SLC20A1: variants seen among roughly 807,000 people sequenced by gnomAD.
SLC20A1 encodes the protein sodium-dependent phosphate transporter 1.
SLC20A1 carries 28 observed loss-of-function variants against 62.7 expected under a neutral mutation model. The observed-to-expected ratio is 0.45, with a 90% CI of 0.33 to 0.61. The LOEUF (loss-of-function observed/expected upper bound fraction) is 0.61, where lower values mean the gene tolerates loss of function less well. Ranked by LOEUF, SLC20A1 falls within the 20% of genes least tolerant of loss-of-function variation. The probability of loss-of-function intolerance (pLI) is 0.02; values close to 1 mark genes in which losing one functional copy is unlikely to be tolerated. For synonymous variants in SLC20A1, 305 were observed against 302.9 expected, an observed-to-expected ratio of 1.01 and a Z score of -0.07; for missense variants, 673 against 838.6, an observed-to-expected ratio of 0.80 and a Z score of 2.44.
chr2:112,657,892 A>G (rs549311864), intron 6 of SLC20A1, among the ~76,000 whole-genome samples: 2 of 152,316 alleles, frequency 1.3e-5, no homozygotes, highest in African/African-American at 4.8e-5. Context: ...TACTGAGTAA[A>G]TTTTGGTTAG....
At chr2:112,649,339 C>A (rs542053825) in intron 4 of SLC20A1, among the ~76,000 whole-genome samples, 1 of 152,316 alleles carries the variant, frequency 6.6e-6, no homozygotes, top group Non-Finnish European at 1.5e-5. Flanking sequence ...GATCTTCCCC[C>A]ACTCTGTGCA....
chr2:112,647,805 A>G (rs1031966282), intron 4 of SLC20A1, 67 bp downstream of exon 4: 43 of 1,276,734 alleles, frequency 3.4e-5, no homozygotes, highest in Non-Finnish European at 4.5e-5. Flanking sequence ...ACCCAGTGGT[A>G]CTTTTGCAGA....
In SLC20A1 at chr2:112,663,109, C is replaced by A; in HGVS notation, c.*84C>A. On this transcript the variant is annotated 3_prime_UTR_variant, in exon 11 of 11. Transcript: ENST00000272542. ...CCCTGAAGAATGATTACAGTGTTAA[C>A]AGAAGACTGACAAGAGTCTTTTTAT... 1 of 1,468,296 alleles carries A rather than the reference C, an allele frequency of 6.8e-7. No homozygotes were observed. Among genetic ancestry groups the A allele is most frequent in the Non-Finnish European group, 9.5e-7 (1 of 1,048,256 alleles). The allele number at this position is 1,468,296 out of a possible 1,614,324, so 91.0% of individuals were successfully genotyped here. A position where few individuals can be genotyped will look rare whatever the true frequency, so the allele number is the denominator to read the frequency against.
At position 112,647,056 on chromosome 2, in the gene SLC20A1, AC is replaced by A; in HGVS notation, c.229del (p.Leu77TrpfsTer5). The A allele has an allele frequency of 6.2e-7, 1 of 1,614,174 alleles. No individual in the cohort carries two copies. Among genetic ancestry groups the A allele is most frequent in the Non-Finnish European group, 8.5e-7 (1 of 1,180,038 alleles). On this transcript the variant is annotated frameshift_variant, in exon 2 of 11. Transcript: ENST00000272542. LOFTEE classifies it high-confidence loss of function. ...SIFETVGSVL[L>X]GAKVSETIRK... ...TCTTTGAAACAGTGGGCTCTGTCTT[AC>A]TGGGGGCCAAAGTGAGCGAAACCAT...
rs1686305911 is a variant in SLC20A1 at position 112,647,134 on chromosome 2, G to C, written c.306G>C (p.Leu102=). ...VEMYNSTQGL[L]MAGSVSAMFG... is the part of the protein sequence containing the mutation. ...TGTACAACTCGACTCAAGGGCTGCT[G>C]ATGGCCGGCTCAGTCAGTGCTATGT... The change falls in exon 2 of 11, where the codon CTG becomes CTC. Residue 102 remains leucine, a synonymous_variant. Transcript: ENST00000272542. The C allele has an allele frequency of 6.2e-7, 1 of 1,613,756 alleles. No individual in the cohort carries two copies. The highest frequency in any genetic ancestry group is 8.5e-7 in the Non-Finnish European group (1 of 1,179,772).
At chr2:112,655,310 A>G (rs1012328834) in intron 5 of SLC20A1, among the ~76,000 whole-genome samples, 1 of 151,990 alleles carries the variant, frequency 6.6e-6, no homozygotes, top group Non-Finnish European at 1.5e-5. Context: ...GGGGTATGAT[A>G]GAATTTCCAG....
At chr2:112,654,523 A>G (rs913529596) in intron 5 of SLC20A1, among the ~76,000 whole-genome samples, 2 of 152,236 alleles carry the variant, frequency 1.3e-5, no homozygotes, top group South Asian at 4.1e-4. Flanking sequence ...CAGTAATTTC[A>G]TGTATATTTT....
chr2:112,652,887 A>G (rs1301549411), intron 5 of SLC20A1, 89 bp downstream of exon 5: 1 of 1,610,630 alleles, frequency 6.2e-7, no homozygotes, highest in Non-Finnish European at 8.5e-7. Flanking sequence ...TTTGCTTTAC[A>G]GGGCTGAAAT....
At chr2:112,648,630 C>G (rs1460116494) in intron 4 of SLC20A1, among the ~76,000 whole-genome samples, 2 of 152,238 alleles carry the variant, frequency 1.3e-5, no homozygotes, top group African/African-American at 4.8e-5. Context: ...TGTCTCTTCT[C>G]TGTAGAAATT....
At chr2:112,652,526 A>G (rs1191987469) in intron 4 of SLC20A1, 176 bp from the exon 5 acceptor site, 4 of 594,684 alleles carry the variant, frequency 6.7e-6, no homozygotes, top group African/African-American at 1.9e-5. Flanking sequence ...AGTTGGAATT[A>G]GCCTTCGTAG....
Position 112,661,124 on chromosome 2 carries a change from A to T in SLC20A1, c.1794-18A>T, listed in dbSNP as rs1574191402. On this transcript the variant is annotated intron_variant, in intron 9 of 10. Coordinates refer to ENST00000272542, the MANE Select transcript of SLC20A1 (RefSeq NM_005415.5). ...AAGTCAAACTCACTTCCTGACAAGAATCCTTTTGTGTCTGTAGTGGCTTCA... is the reference window on the plus strand; with the variant it reads ...AAGTCAAACTCACTTCCTGACAAGATTCCTTTTGTGTCTGTAGTGGCTTCA... 1 of 1,607,978 alleles carries T rather than the reference A, an allele frequency of 6.2e-7. No individual in the cohort carries two copies. The highest frequency in any genetic ancestry group is 2.2e-5 in the East Asian group (1 of 44,832).
chr2:112,657,350 T>C, intron 6 of SLC20A1, 109 bp downstream of exon 6: 1 of 1,167,296 alleles, frequency 8.6e-7, no homozygotes, highest in Non-Finnish European at 1.2e-6. Flanking sequence ...TAAGAGATTT[T>C]AAAGGGAAAT....
At chr2:112,648,750 A>G (rs1050642869) in intron 4 of SLC20A1, among the ~76,000 whole-genome samples, 11 of 152,234 alleles carry the variant, frequency 7.2e-5, no homozygotes, top group African/African-American at 2.2e-4. Flanking sequence ...CTGGTATAAT[A>G]TGAGAGTAAA....
At chr2:112,650,312 CTTGGG>C (rs955308809) in intron 4 of SLC20A1, among the ~76,000 whole-genome samples, 4 of 148,304 alleles carry the variant, frequency 2.7e-5, no homozygotes, top group Non-Finnish European at 4.5e-5. Context: ...GGGTGGGAGT[CTTGGG>C]TTGGGTTTTT....
At chr2:112,646,169 C>T (rs538234833) in intron 1 of SLC20A1, 40 bp downstream of exon 1, 1 of 152,068 alleles carries the variant, frequency 6.6e-6, no homozygotes, top group Admixed American at 6.5e-5. Context: ...CTTTCTTCTC[C>T]CCGGGGCCGG....
At position 112,658,954 on chromosome 2, in the gene SLC20A1, C is replaced by A. The variant is rs1360753679; in HGVS notation, c.908C>A (p.Pro303His). ...AAGCATCCTGTTTCTGAGGTAGGGC[C>A]TGCCACTGTGCCCCTCCAGGCTGTG... ...ENKHPVSEVG[P>H]ATVPLQAVVE... The change falls in exon 7 of 11, where the codon CCT becomes CAT. Residue 303 changes from proline to histidine, a missense_variant. Transcript: ENST00000272542. 6 of 1,614,186 alleles carry A rather than the reference C, an allele frequency of 3.7e-6. No individual in the cohort carries two copies. In the East Asian group the frequency reaches 1.3e-4, roughly 36 times the overall value.
chr2:112,647,931 G>C (rs112394242), intron 4 of SLC20A1, among the ~76,000 whole-genome samples, 193 bp downstream of exon 4: 3 of 152,308 alleles, frequency 2.0e-5, no homozygotes, highest in African/African-American at 7.2e-5. Context: ...CAAGAGGGCA[G>C]TCAGGAAGGA....
At chr2:112,657,857 A>G (rs1038118779) in intron 6 of SLC20A1, among the ~76,000 whole-genome samples, 1 of 152,246 alleles carries the variant, frequency 6.6e-6, no homozygotes, top group African/African-American at 2.4e-5. Flanking sequence ...CATTTAGGCC[A>G]TTACCACACA....
intron 5 of SLC20A1, among the ~76,000 whole-genome samples, chr2:112,654,426 C>T (rs10184339): frequency 0.3 from 45,426 of 151,968 alleles, 7,737 homozygotes; most frequent in East Asian, 0.79. Flanking sequence ...TAGATATTTT[C>T]GTTGTGTCCT....
Sources: allele counts gnomAD v4.1 joint callset (sites outside exome capture counted in the v4.1 genomes callset), GRCh38; gene constraint gnomAD v4.1.1; transcripts MANE v1.5; gene names NCBI Gene and HGNC (gene_info 2026-07-23, HGNC 2026-07-21).